CAAP1: variants seen among roughly 807,000 people sequenced by gnomAD.
The protein encoded by CAAP1 is caspase activity and apoptosis inhibitor 1.
CAAP1 carries 20 observed loss-of-function variants against 34.0 expected under a neutral mutation model. That is an observed-to-expected ratio of 0.59 (90% CI 0.41 to 0.86). The LOEUF (loss-of-function observed/expected upper bound fraction) is 0.86, where lower values mean the gene tolerates loss of function less well. Among genes scored for constraint, CAAP1 ranks in the 40% least tolerant of loss-of-function variants. The probability of loss-of-function intolerance (pLI) is 0.00; values close to 1 mark genes in which losing one functional copy is unlikely to be tolerated. For missense variants in CAAP1, 538 were observed against 450.5 expected, an observed-to-expected ratio of 1.19 and a Z score of -1.76; for synonymous variants, 213 against 166.7, an observed-to-expected ratio of 1.28 and a Z score of -2.14.
chr9:26,886,911 C>T (rs1024531077), intron 2 of CAAP1, among the ~76,000 whole-genome samples: 1 of 152,074 alleles, frequency 6.6e-6, no homozygotes, highest in African/African-American at 2.4e-5. Context: ...TAGATGTAAA[C>T]ATCCAATTAA....
intron 5 of CAAP1, among the ~76,000 whole-genome samples, chr9:26,859,454 T>C (rs866325206): frequency 7.9e-5 from 12 of 152,326 alleles, no homozygotes; most frequent in Middle Eastern, 6.8e-3. Flanking sequence ...GAAATCAACC[T>C]GCCCATTCTA....
chr9:26,882,173 C>T (rs1823607335), intron 4 of CAAP1, among the ~76,000 whole-genome samples: 1 of 152,150 alleles, frequency 6.6e-6, no homozygotes. Flanking sequence ...AAAAGAAAAA[C>T]CCATTTTCTG....
chr9:26,867,988 T>C (rs1482261332), intron 4 of CAAP1, among the ~76,000 whole-genome samples: 1 of 152,112 alleles, frequency 6.6e-6, no homozygotes, highest in Non-Finnish European at 1.5e-5. Flanking sequence ...TGGGGTGAGA[T>C]CAGAAGGTGA....
At chr9:26,885,120 C>G (rs184174873) in intron 3 of CAAP1, among the ~76,000 whole-genome samples, 1 of 148,248 alleles carries the variant, frequency 6.7e-6, no homozygotes, top group African/African-American at 2.5e-5. Flanking sequence ...ACTGTCACCC[C>G]GGCTGGTGTG....
chr9:26,847,182 G>C (rs1321698504), intron 5 of CAAP1, among the ~76,000 whole-genome samples: 2 of 108,594 alleles, frequency 1.8e-5, no homozygotes, highest in Admixed American at 2.0e-4. Flanking sequence ...GTTTTTACTA[G>C]TAAGTAAAAA....
chr9:26,859,186 A>AG (rs1320977467), intron 5 of CAAP1, among the ~76,000 whole-genome samples: 2 of 152,108 alleles, frequency 1.3e-5, no homozygotes, highest in Non-Finnish European at 2.9e-5. Flanking sequence ...GTGTGGTTAC[A>AG]GGCTCCTAAG....
chr9:26,889,993 TCATTAGAA>T (rs1823861700), intron 1 of CAAP1, among the ~76,000 whole-genome samples: 1 of 152,154 alleles, frequency 6.6e-6, no homozygotes, highest in Non-Finnish European at 1.5e-5. Flanking sequence ...CACTAATTTT[TCATTAGAA>T]GATGGGTTTA....
chr9:26,875,415 T>G (rs954897292), intron 4 of CAAP1, among the ~76,000 whole-genome samples: 7 of 152,052 alleles, frequency 4.6e-5, no homozygotes, highest in African/African-American at 1.4e-4. Context: ...AGACCCTGTC[T>G]CAAAAAACAA....
chr9:26,875,342 C>G (rs1386516204), intron 4 of CAAP1, among the ~76,000 whole-genome samples: 1 of 152,072 alleles, frequency 6.6e-6, no homozygotes, highest in African/African-American at 2.4e-5. Flanking sequence ...GCTGAGATCA[C>G]ACCACTGCAC....
intron 4 of CAAP1, 86 bp downstream of exon 4, chr9:26,884,724 G>T: frequency 1.0e-6 from 1 of 959,644 alleles, no homozygotes; most frequent in South Asian, 1.4e-5. Flanking sequence ...ATAAAACACA[G>T]AAAAACAATC....
In CAAP1 at chr9:26,842,272, T is replaced by C. The variant is rs2131289659; in HGVS notation, c.*29A>G. 1 of 1,494,108 alleles carries C rather than the reference T, an allele frequency of 6.7e-7. No homozygotes were observed. Among genetic ancestry groups the C allele is most frequent in the Non-Finnish European group, 9.0e-7 (1 of 1,112,468 alleles). The allele number at this position is 1,494,108 out of a possible 1,614,324, so 92.6% of individuals were successfully genotyped here. On this transcript the variant is annotated 3_prime_UTR_variant, in exon 6 of 6. Coordinates refer to ENST00000333916, the MANE Select transcript of CAAP1 (RefSeq NM_024828.4). ...TAAATGATGTGGCTTTGTTCAAACATACCTAAAATTCAAAATCAAGTTAAA... is the reference window on the plus strand; with the variant it reads ...TAAATGATGTGGCTTTGTTCAAACACACCTAAAATTCAAAATCAAGTTAAA...
intron 4 of CAAP1, among the ~76,000 whole-genome samples, chr9:26,875,591 T>C (rs1324074739): frequency 2.6e-5 from 4 of 152,232 alleles, no homozygotes; most frequent in African/African-American, 9.6e-5. Flanking sequence ...GCTGACAAAC[T>C]GATATAATTG....
intron 3 of CAAP1, 83 bp downstream of exon 3, chr9:26,886,021 G>C: frequency 1.8e-6 from 1 of 559,934 alleles, no homozygotes; most frequent in Non-Finnish European, 3.0e-6. Flanking sequence ...AAATATCCAA[G>C]TAGGAGAAAG....
chr9:26,850,791 G>A (rs1487598820), intron 5 of CAAP1, among the ~76,000 whole-genome samples: 1 of 151,984 alleles, frequency 6.6e-6, no homozygotes, highest in African/African-American at 2.4e-5. Flanking sequence ...TTTCTTATGT[G>A]TAGTGTATTA....
chr9:26,892,034 T>C (rs891679906), intron 1 of CAAP1, among the ~76,000 whole-genome samples: 4 of 152,072 alleles, frequency 2.6e-5, no homozygotes, highest in Non-Finnish European at 5.9e-5. Context: ...TTCTTATCTC[T>C]AATGCGGAGT....
intron 4 of CAAP1, among the ~76,000 whole-genome samples, chr9:26,865,049 T>A (rs546197364): frequency 6.6e-6 from 1 of 152,306 alleles, no homozygotes; most frequent in East Asian, 1.9e-4. Context: ...CTGCTCTTTA[T>A]ATGTGTCTAA....
In CAAP1 at chr9:26,876,556, TG is replaced by T. The variant is rs1823437674; in HGVS notation, c.665+8253del. On this transcript the variant is annotated intron_variant, in intron 4 of 5. Transcript: ENST00000333916. ...TGTATTGGTAAGTGCCCTGTACAGGTGTATCATTTATTGTACCTTTTCTATG... is the reference window on the plus strand; with the variant it reads ...TGTATTGGTAAGTGCCCTGTACAGGTTATCATTTATTGTACCTTTTCTATG... Among the ~76,000 whole-genome samples the T allele has an allele frequency of 2.0e-5, 3 of 150,586 alleles. No homozygotes were observed. The South Asian group carries it at 6.3e-4, about 32-fold the overall frequency.
chr9:26,847,397 G>C (rs1452828109), intron 5 of CAAP1, among the ~76,000 whole-genome samples: 1 of 151,032 alleles, frequency 6.6e-6, no homozygotes, highest in Non-Finnish European at 1.5e-5. Context: ...TGTACTTTTG[G>C]TAGAGACGGG....
chr9:26,847,196 A>ATT (rs79235459), intron 5 of CAAP1, among the ~76,000 whole-genome samples: 3 of 63,002 alleles, frequency 4.8e-5, no homozygotes, highest in African/African-American at 1.1e-4. Flanking sequence ...GTAAAAAGCA[A>ATT]TATTTTTTTT....
Sources: allele counts gnomAD v4.1 joint callset (sites outside exome capture counted in the v4.1 genomes callset), GRCh38; gene constraint gnomAD v4.1.1; transcripts MANE v1.5; gene names NCBI Gene and HGNC (gene_info 2026-07-23, HGNC 2026-07-21).